CASZ1: variants seen among roughly 807,000 people sequenced by gnomAD.
The protein encoded by CASZ1 is castor zinc finger 1.
CASZ1 carries 28 observed loss-of-function variants against 135.2 expected under a neutral mutation model. That is an observed-to-expected ratio of 0.21 (90% confidence interval 0.15 to 0.28). The LOEUF (loss-of-function observed/expected upper bound fraction) is 0.28, where lower values mean the gene tolerates loss of function less well. CASZ1 is among the 10% of genes least tolerant of loss of function. The probability of loss-of-function intolerance (pLI) is 1.00; values close to 1 mark genes in which losing one functional copy is unlikely to be tolerated. For synonymous variants in CASZ1, 1,068 were observed against 1,073.4 expected (o/e 0.99, Z 0.10); for missense variants, 2,161 against 2,453.3 (o/e 0.88, Z 2.52).
At chr1:10,787,582 G>A (rs1315346006) in intron 1 of CASZ1, among the ~76,000 whole-genome samples, 1 of 152,158 alleles carries the variant, frequency 6.6e-6, no homozygotes, top group Non-Finnish European at 1.5e-5. Flanking sequence ...TTAGTGCTGG[G>A]GAAGGGTGCC....
At chr1:10,760,592 C>T (rs763520371) in intron 2 of CASZ1, 109 bp downstream of exon 2, 1 of 152,276 alleles carries the variant, frequency 6.6e-6, no homozygotes, top group Non-Finnish European at 1.5e-5. Context: ...GATCAGAACC[C>T]ACTGGGAAAG....
intron 2 of CASZ1, among the ~76,000 whole-genome samples, chr1:10,722,662 T>C (rs1278834212): frequency 6.6e-6 from 1 of 152,208 alleles, no homozygotes; most frequent in Non-Finnish European, 1.5e-5. Flanking sequence ...TGAGCACCAA[T>C]TCGGACTGGC....
intron 1 of CASZ1, among the ~76,000 whole-genome samples, chr1:10,772,839 G>C (rs1333825747): frequency 1.3e-5 from 2 of 152,160 alleles, no homozygotes; most frequent in African/African-American, 4.8e-5. Context: ...GGCTCAGTAA[G>C]GGCTGCTCCT....
At chr1:10,663,630 A>G (rs1296866143) in intron 5 of CASZ1, among the ~76,000 whole-genome samples, 1 of 152,176 alleles carries the variant, frequency 6.6e-6, no homozygotes, top group Non-Finnish European at 1.5e-5. Context: ...CAGGGAGGGG[A>G]CCAGGCAGGG....
intron 4 of CASZ1, among the ~76,000 whole-genome samples, chr1:10,687,491 C>T (rs867470530): frequency 7.2e-5 from 11 of 152,264 alleles, no homozygotes; most frequent in Non-Finnish European, 1.2e-4. Flanking sequence ...CCACATACCA[C>T]GCCCGGGGCA....
intron 1 of CASZ1, among the ~76,000 whole-genome samples, chr1:10,775,371 TTC>T (rs1241964153): frequency 6.6e-6 from 1 of 152,166 alleles, no homozygotes; most frequent in East Asian, 1.9e-4. Context: ...ATTTTTTTTT[TTC>T]TTTTAAAAAT....
intron 3 of CASZ1, among the ~76,000 whole-genome samples, chr1:10,698,368 A>AT (rs971260786): frequency 6.6e-5 from 10 of 152,134 alleles, no homozygotes; most frequent in Admixed American, 2.6e-4. Flanking sequence ...CACATTTCCC[A>AT]TTTTTTTCCC....
In CASZ1 at chr1:10,744,717, A is replaced by C. The variant is rs1181860445; in HGVS notation, c.-77+15984T>G. ...CAGGCATGTCCTGGGCACCACGAGC[A>C]GGCATGTCCTGGGCGACAGGGGAAC... is the stretch of plus-strand genomic sequence containing the variant. On this transcript the variant is annotated intron_variant, in intron 2 of 20. Coordinates refer to ENST00000377022, the MANE Select transcript of CASZ1 (RefSeq NM_001079843.3). 1.6e-5 allele frequency among the ~76,000 whole-genome samples: 2 copies of C among 126,828 alleles called. 1 individual carries two copies. The highest frequency in any genetic ancestry group is 3.2e-5 in the Non-Finnish European group (2 of 61,960). 83.2% of individuals were successfully genotyped at this position (126,828 alleles called of 152,430 possible).
Position 10,767,414 on chromosome 1 carries a change from G to T in CASZ1, c.-233-6557C>A, listed in dbSNP as rs527948337. Among the ~76,000 whole-genome samples, 2 of 152,216 alleles carry T rather than the reference G, an allele frequency of 1.3e-5. No individual in the cohort carries two copies. The highest frequency in any genetic ancestry group is 2.9e-5 in the Non-Finnish European group (2 of 68,040). ...AGCCCTGTAAACAACCTGATTTTCC[G>T]CCTTCCCAGATCCTAGGCAGATCCC... On this transcript the variant is annotated intron_variant, in intron 1 of 20. Coordinates refer to ENST00000377022, the MANE Select transcript of CASZ1 (RefSeq NM_001079843.3). This position sits in a 1 kb window ranked among gnomAD's most constrained non-coding sequence, Gnocchi z 4.2.
At chr1:10,761,821 G>T (rs906451983) in intron 1 of CASZ1, among the ~76,000 whole-genome samples, 9 of 152,220 alleles carry the variant, frequency 5.9e-5, no homozygotes, top group African/African-American at 2.2e-4. Flanking sequence ...GTGGATGTGA[G>T]AATGGGGTGC....
In CASZ1 at chr1:10,718,878, C is replaced by CT. The variant is rs540549084; in HGVS notation, c.-76-13335dup. On this transcript the variant is annotated intron_variant, in intron 2 of 20. Coordinates refer to ENST00000377022, the MANE Select transcript of CASZ1 (RefSeq NM_001079843.3). ...TGCCTCTTTCTTTTTCTTTTCTTTT[C>CT]TTTTTTTTTAAGACAGGGTCTCTCT... Among the ~76,000 whole-genome samples the CT allele has an allele frequency of 4.1e-3, 627 of 151,680 alleles. 5 individuals carry two copies. The highest frequency in any genetic ancestry group is 0.014 in the African/African-American group (595 of 41,352).
Position 10,717,353 on chromosome 1 carries a change from G to A in CASZ1, c.-76-11809C>T, listed in dbSNP as rs991422103. 4.6e-5 allele frequency among the ~76,000 whole-genome samples: 7 copies of A among 152,102 alleles called. No homozygotes were observed. In the East Asian group the frequency reaches 9.7e-4, roughly 21 times the overall value. On this transcript the variant is annotated intron_variant, in intron 2 of 20. Coordinates refer to ENST00000377022, the MANE Select transcript of CASZ1 (RefSeq NM_001079843.3). The surrounding 1 kb of genome is among the most constrained non-coding windows in gnomAD (Gnocchi z 4.6). ...TCCGATGCATCTTTCCTGCCTTGCCGTGCTGGGGTGTTGGTGAGTTGTTGG... is the reference window on the plus strand; with the variant it reads ...TCCGATGCATCTTTCCTGCCTTGCCATGCTGGGGTGTTGGTGAGTTGTTGG...
rs1024564796 is a variant in CASZ1 at position 10,711,468 on chromosome 1, A to G, written c.-76-5924T>C. Among the ~76,000 whole-genome samples, 5 of 152,184 alleles carry G rather than the reference A, an allele frequency of 3.3e-5. No individual in the cohort carries two copies. The highest frequency in any genetic ancestry group is 7.3e-5 in the Non-Finnish European group (5 of 68,038). On this transcript the variant is annotated intron_variant, in intron 2 of 20. Transcript: ENST00000377022. This position sits in a 1 kb window ranked among gnomAD's most constrained non-coding sequence, Gnocchi z 4.4. ...TTAGCACAGTAGGTGGCACATAGCA[A>G]GTGCTCAATAAATATGGCCTCTTAT...
chr1:10,728,743 C>T (rs1171174230), intron 2 of CASZ1, among the ~76,000 whole-genome samples: 2 of 151,578 alleles, frequency 1.3e-5, no homozygotes, highest in African/African-American at 2.4e-5. Flanking sequence ...ACAACTGTGA[C>T]CGACCGTCAC....
intron 2 of CASZ1, among the ~76,000 whole-genome samples, chr1:10,712,033 C>A (rs1036806296): frequency 1.3e-5 from 2 of 152,152 alleles, no homozygotes; most frequent in Non-Finnish European, 2.9e-5. Context: ...GTACTTGATG[C>A]CACTGATTTC....
At chr1:10,650,879 C>G (rs925366656) in intron 12 of CASZ1, 62 bp downstream of exon 12, 18 of 1,605,808 alleles carry the variant, frequency 1.1e-5, no homozygotes, top group Non-Finnish European at 1.5e-5. Context: ...CGGGACCACC[C>G]CGGGGCTCCA....
At chr1:10,655,036 C>T (rs1292468067) in intron 9 of CASZ1, among the ~76,000 whole-genome samples, 2 of 152,122 alleles carry the variant, frequency 1.3e-5, no homozygotes, top group Non-Finnish European at 2.9e-5. Context: ...TCCCACCCCA[C>T]CCCAGCTGGG....
Position 10,643,218 on chromosome 1 carries a change from G to A in CASZ1, c.3962C>T (p.Ala1321Val), listed in dbSNP as rs372548483. The A allele has an allele frequency of 1.7e-4, 275 of 1,612,680 alleles. No homozygotes were observed. The highest frequency in any genetic ancestry group is 2.3e-4 in the Non-Finnish European group (266 of 1,180,012). Residue 1321 changes from alanine (A) to valine (V), a missense_variant, in exon 19 of 21, where the codon GCG (alanine) becomes GTG (valine). Ala to Val is a moderately conservative substitution (Grantham distance 64). Coordinates refer to ENST00000377022, the MANE Select transcript of CASZ1 (RefSeq NM_001079843.3). ...CAGCATCCTCCGCATGTGCTTCCGC[G>A]CGTGGGAGGTCATCTGGTGCTTGAG... The part of the protein sequence containing the change: ...FLLKHQMTSH[A>V]RKHMRRMLGK...
chr1:10,729,642 G>C (rs535534111), intron 2 of CASZ1, among the ~76,000 whole-genome samples: 1 of 152,308 alleles, frequency 6.6e-6, no homozygotes, highest in South Asian at 2.1e-4. Flanking sequence ...CCCCATAGTG[G>C]AACACAGTTT....
Sources: allele counts gnomAD v4.1 joint callset (sites outside exome capture counted in the v4.1 genomes callset), GRCh38; gene constraint gnomAD v4.1.1; non-coding constraint Gnocchi (gnomAD v3.1); transcripts MANE v1.5; gene names NCBI Gene and HGNC (gene_info 2026-07-23, HGNC 2026-07-21).